The following WWP1 variants were observed in gnomAD, a reference collection of about 807,000 sequenced individuals.
WWP1 encodes NEDD4-like E3 ubiquitin-protein ligase WWP1.
A neutral mutation model predicts 130.6 loss-of-function variants in WWP1; 49 were observed. That is an observed-to-expected ratio of 0.38 (90% CI 0.30 to 0.48). WWP1 has a LOEUF of 0.48. Among genes scored for constraint, WWP1 ranks in the 20% least tolerant of loss-of-function variants. The pLI is 0.99. For synonymous variants in WWP1, 332 were observed against 367.8 expected, an observed-to-expected ratio of 0.90 and a Z score of 1.11; for missense variants, 809 against 1,100.6, an observed-to-expected ratio of 0.74 and a Z score of 3.75.
In WWP1 at chr8:86,442,701, C is replaced by T; in HGVS notation, c.1921C>T (p.Leu641=). ...GTATGCGGGCAAGAACAACTATTGT[C>T]TGCAGATAAATCCAGCATCAACCAT... ...FEYAGKNNYC[L]QINPASTINP... is the part of the protein sequence containing the mutation. The change falls in exon 18 of 25, where the codon CTG becomes TTG. Residue 641 remains leucine, a synonymous_variant. Coordinates refer to ENST00000517970, the MANE Select transcript of WWP1 (RefSeq NM_007013.4). The T allele has an allele frequency of 6.2e-7, 1 of 1,612,882 alleles. No individual in the cohort carries two copies. Among genetic ancestry groups the T allele is most frequent in the East Asian group, 2.2e-5 (1 of 44,818 alleles).
At position 86,411,739 on chromosome 8, in the gene WWP1, G is replaced by A. The variant is rs754068799; in HGVS notation, c.926G>A (p.Ser309Asn). ...GCAGAATTGGAATCTGAAGCTAGAA[G>A]TATATTAGAGCCTGACACCTCTAAT... is the stretch of plus-strand genomic sequence containing the variant. The part of the protein sequence containing the change: ...TSAELESEAR[S>N]ILEPDTSNSR... Residue 309 changes from serine (S) to asparagine (N), a missense_variant, in exon 9 of 25, where the codon AGT becomes AAT. By Grantham distance (46) the Ser-to-Asn change is conservative. Around this residue, in one of 3 missense-constraint regions of WWP1, gnomAD observed 97 missense variants for 80.4 expected, o/e 1.21. Coordinates refer to ENST00000517970, the MANE Select transcript of WWP1 (RefSeq NM_007013.4). The A allele has an allele frequency of 1.9e-6, 3 of 1,614,190 alleles. No individual in the cohort carries two copies. The highest frequency in any genetic ancestry group is 1.7e-4 in the Middle Eastern group (1 of 6,060).
At chr8:86,362,309 T>G (rs974627343) in intron 1 of WWP1, among the ~76,000 whole-genome samples, 1 of 150,174 alleles carries the variant, frequency 6.7e-6, no homozygotes, top group African/African-American at 2.5e-5. Flanking sequence ...CTAGAAAGAT[T>G]AAATTAGAGG....
intron 9 of WWP1, among the ~76,000 whole-genome samples, chr8:86,416,519 C>T (rs530052728): frequency 1.3e-4 from 19 of 151,926 alleles, no homozygotes; most frequent in East Asian, 3.9e-4. Context: ...GTTGCCCAGT[C>T]GTTCACCAAA....
At chr8:86,351,664 C>T (rs1267402201) in intron 1 of WWP1, among the ~76,000 whole-genome samples, 1 of 152,082 alleles carries the variant, frequency 6.6e-6, no homozygotes, top group Non-Finnish European at 1.5e-5. Flanking sequence ...AAAGGGTAAG[C>T]ACGAAATCTG....
In WWP1 at chr8:86,448,196, T is replaced by C; in HGVS notation, c.2047T>C (p.Tyr683His). 1.9e-6 allele frequency: 3 copies of C among 1,576,986 alleles called. No individual in the cohort carries two copies. The highest frequency in any genetic ancestry group is 1.7e-6 in the Non-Finnish European group (2 of 1,171,192). Residue 683 changes from tyrosine (Y) to histidine (H), a missense_variant, in exon 19 of 25, where the codon TAC becomes CAC. Physicochemically the swap from Tyr to His is moderately conservative, Grantham distance 83 (BLOSUM62 2). Coordinates refer to ENST00000517970, the MANE Select transcript of WWP1 (RefSeq NM_007013.4). ...CGATACTGGTTTCTCTTTACCATTCTACAAGCGTATGTTAAGTAAAAAACT... is the reference window on the plus strand; with the variant it reads ...CGATACTGGTTTCTCTTTACCATTCCACAAGCGTATGTTAAGTAAAAAACT... ...FIDTGFSLPF[Y>H]KRMLSKKLTI...
At chr8:86,405,182 C>T (rs1293999762) in intron 8 of WWP1, 3 of 152,130 alleles carry the variant, frequency 2.0e-5, no homozygotes, top group Non-Finnish European at 4.4e-5. Flanking sequence ...GATGGCATTA[C>T]TTTTTCTAAT....
intron 10 of WWP1, 29 bp from the exon 11 acceptor site, chr8:86,427,614 T>G: frequency 6.5e-7 from 1 of 1,538,664 alleles, no homozygotes. Flanking sequence ...ATTGAGAGAT[T>G]ATTGTTTATT....
intron 8 of WWP1, among the ~76,000 whole-genome samples, chr8:86,407,183 T>G (rs1432931825): frequency 6.6e-6 from 1 of 152,216 alleles, no homozygotes; most frequent in Non-Finnish European, 1.5e-5. Flanking sequence ...AAGATTTTAA[T>G]TTTTTGCCCC....
intron 1 of WWP1, among the ~76,000 whole-genome samples, chr8:86,347,653 C>T (rs73268850): frequency 0.055 from 8,378 of 152,146 alleles, 395 homozygotes; most frequent in African/African-American, 0.12. Context: ...ATTCTCCTGT[C>T]AAGGATAAAG....
intron 8 of WWP1, among the ~76,000 whole-genome samples, chr8:86,409,534 C>T (rs1383551329): frequency 2.7e-5 from 4 of 150,308 alleles, no homozygotes; most frequent in African/African-American, 7.3e-5. Context: ...GTGCCCAGCC[C>T]TGATTTTACT....
chr8:86,467,015 G>T lies in WWP1; in HGVS notation c.*122G>T. ...GAATTTTCCGAACCTCTCAAAGTAT[G>T]TTTTCCGTTCTTCCACAGAAATATG... On this transcript the variant is annotated 3_prime_UTR_variant, in exon 25 of 25. Transcript: ENST00000517970. The T allele has an allele frequency of 1.5e-6, 1 of 688,774 alleles. No individual in the cohort carries two copies. The highest frequency in any genetic ancestry group is 1.9e-5 in the South Asian group (1 of 53,176). 42.7% of individuals were successfully genotyped at this position (688,774 alleles called of 1,614,324 possible).
chr8:86,371,241 G>GT (rs1426091572), intron 2 of WWP1, among the ~76,000 whole-genome samples: 1 of 151,942 alleles, frequency 6.6e-6, no homozygotes, highest in African/African-American at 2.4e-5. Flanking sequence ...CATTGTATGA[G>GT]TTAGGCTAAT....
intron 16 of WWP1, among the ~76,000 whole-genome samples, chr8:86,437,626 C>A (rs1233692160): frequency 2.6e-5 from 4 of 152,134 alleles, no homozygotes; most frequent in African/African-American, 9.7e-5. Context: ...TTAAACAACA[C>A]AGGGGCTAGG....
chr8:86,398,574 G>A lies in WWP1; in HGVS notation c.475G>A (p.Glu159Lys), dbSNP rs767796901. 2 of 1,613,084 alleles carry A rather than the reference G, an allele frequency of 1.2e-6. No individual in the cohort carries two copies. The highest frequency in any genetic ancestry group is 2.2e-5 in the East Asian group (1 of 44,822). The change falls in exon 7 of 25, where the codon GAA becomes AAA. Residue 159 changes from glutamate (E) to lysine (K), a missense_variant and splice_region_variant. Glu to Lys is a moderately conservative substitution (Grantham distance 56, BLOSUM62 1). Coordinates refer to ENST00000517970, the MANE Select transcript of WWP1 (RefSeq NM_007013.4). ...TTTTTTTCTTTCTTGTTGTTCAGTAGAAATACAGGAAAATGGTGATGCCTT... is the reference window on the plus strand; with the variant it reads ...TTTTTTTCTTTCTTGTTGTTCAGTAAAAATACAGGAAAATGGTGATGCCTT... ...ITNCSSSPTI[E>K]IQENGDALHE...
chr8:86,356,236 C>T (rs1370400252), intron 1 of WWP1, among the ~76,000 whole-genome samples: 1 of 152,094 alleles, frequency 6.6e-6, no homozygotes, highest in Non-Finnish European at 1.5e-5. Flanking sequence ...TGGGCTTTAT[C>T]ATCTTACCTT....
rs769103515 is a variant in WWP1, at chr8:86,398,371, T to C, written c.364T>C (p.Ser122Pro). The C allele has an allele frequency of 4.4e-6, 7 of 1,604,456 alleles. No individual in the cohort carries two copies. The highest frequency in any genetic ancestry group is 6.0e-6 in the Non-Finnish European group (7 of 1,174,062). The change falls in exon 6 of 25, where the codon TCC (serine) becomes CCC (proline). Residue 122 changes from serine to proline, a missense_variant. By Grantham distance (74) the Ser-to-Pro change is moderately conservative (BLOSUM62 -1). Around this residue, in one of 3 missense-constraint regions of WWP1, gnomAD observed 262 missense variants for 346.0 expected, o/e 0.76. Transcript: ENST00000517970. ...LERVKEQLKL[S>P]LENKNGIAQT... ...AAGAGTGAAAGAACAATTAAAACTT[T>C]CCTTGGAAAACAAGAATGGCATAGC... is the stretch of plus-strand genomic sequence containing the variant.
In WWP1 at chr8:86,468,422, G is replaced by T. The variant is rs1224214921; in HGVS notation, c.*1529G>T. 3 of 442,220 alleles carry T rather than the reference G, an allele frequency of 6.8e-6. No homozygotes were observed. The highest frequency in any genetic ancestry group is 1.3e-5 in the Non-Finnish European group (3 of 223,712). The allele number at this position is 442,220 out of a possible 1,614,324, so 27.4% of individuals were successfully genotyped here. On this transcript the variant is annotated 3_prime_UTR_variant, in exon 25 of 25. Coordinates refer to ENST00000517970, the MANE Select transcript of WWP1 (RefSeq NM_007013.4). ...TTATGAACACTCTGGTAATTTTCAA[G>T]CCTAAAGAATTAAAAAAAAAATTCT...
chr8:86,380,747 G>T lies in WWP1; in HGVS notation c.92G>T (p.Arg31Ile). 6.2e-7 allele frequency: 1 copy of T among 1,608,402 alleles called. No individual in the cohort carries two copies. Residue 31 changes from arginine (R) to isoleucine (I), a missense_variant, in exon 4 of 25, where the codon AGA becomes ATA. Physicochemically the swap from Arg to Ile is moderately conservative, Grantham distance 97. Transcript: ENST00000517970. Reference sequence around the variant, plus strand: ...TTAGTTTCTAGTGCCAAACTTAAAAGAAAAAAGAACTGGTTCGGAACAGCA... The same window carrying T: ...TTAGTTTCTAGTGCCAAACTTAAAATAAAAAAGAACTGGTTCGGAACAGCA... ...QVTVSSAKLKRKKNWFGTAIY... is the reference protein window; with the variant it reads ...QVTVSSAKLKIKKNWFGTAIY...
chr8:86,425,641 A>C (rs1380915083), intron 10 of WWP1, among the ~76,000 whole-genome samples: 1 of 152,180 alleles, frequency 6.6e-6, no homozygotes, highest in Admixed American at 6.5e-5. Flanking sequence ...ATAGTGATCT[A>C]AACTATGTTA....
Sources: gnomAD v4.1 joint callset for allele counts (sites outside exome capture counted in the v4.1 genomes callset) on GRCh38, gnomAD v4.1.1 for gene constraint, gnomAD v4.1.1 regional missense constraint, MANE v1.5 for transcripts, NCBI Gene and HGNC (gene_info 2026-07-23, HGNC 2026-07-21) for gene names.